The following TIMP2 variants were observed in gnomAD, a reference collection of about 807,000 sequenced individuals.
TIMP2 encodes metalloproteinase inhibitor 2.
TIMP2 carries 5 observed loss-of-function variants against 24.3 expected under a neutral mutation model. The ratio of observed to expected loss-of-function variants is 0.21; its 90% CI spans 0.11 to 0.43. The LOEUF is 0.43. TIMP2 is among the 20% of genes least tolerant of loss of function. TIMP2 has a pLI of 1.00. For synonymous variants in TIMP2, 130 were observed against 123.2 expected (o/e 1.06, Z -0.37); for missense variants, 221 against 297.5 (o/e 0.74, Z 1.89).
chr17:78,865,549 G>A lies in TIMP2; in HGVS notation c.340+5349C>T, dbSNP rs1048619524. ...TGAGGCAGGAGAATCACTTGAACCC[G>A]GGAGGCAGAGGTTGTGGTGAGTTGA... On this transcript the variant is annotated intron_variant, in intron 3 of 4. Transcript: ENST00000262768. Among the ~76,000 whole-genome samples the A allele has an allele frequency of 4.6e-5, 7 of 151,914 alleles. No individual in the cohort carries two copies. In the East Asian group the frequency reaches 9.7e-4, roughly 21 times the overall value.
chr17:78,906,613 C>T (rs915252780), intron 1 of TIMP2, among the ~76,000 whole-genome samples: 4 of 151,896 alleles, frequency 2.6e-5, no homozygotes, highest in East Asian at 3.9e-4. Flanking sequence ...GACAGAGTCT[C>T]GCTCTGTTGC....
chr17:78,923,982 C>T (rs1372519008), intron 1 of TIMP2, among the ~76,000 whole-genome samples: 1 of 152,170 alleles, frequency 6.6e-6, no homozygotes, highest in Non-Finnish European at 1.5e-5. Flanking sequence ...CAGGGGGCTC[C>T]GAGACCACCT....
intron 1 of TIMP2, chr17:78,922,217 G>A (rs1045421443): frequency 9.9e-5 from 15 of 152,182 alleles, no homozygotes; most frequent in African/African-American, 3.4e-4. Flanking sequence ...AACCTGCATC[G>A]CTTCGAGGAG....
At chr17:78,859,320 C>G (rs2069550083) in intron 3 of TIMP2, among the ~76,000 whole-genome samples, 1 of 152,140 alleles carries the variant, frequency 6.6e-6, no homozygotes. Context: ...GCAGTGTGTT[C>G]CAGTGGCTGA....
chr17:78,882,230 C>T (rs1185655769), intron 1 of TIMP2, among the ~76,000 whole-genome samples: 1 of 152,216 alleles, frequency 6.6e-6, no homozygotes, highest in African/African-American at 2.4e-5. Flanking sequence ...TCTTGGCCTC[C>T]CAGAGTGCTG....
rs746869895 is a variant in TIMP2, at chr17:78,855,628, CT to C, written c.*38del. ...CTGGACCAGTCGAAACCCTTGGAGG[CT>C]TTTTTTGCAGTTGGCCACAGGGGCG... On this transcript the variant is annotated 3_prime_UTR_variant, in exon 5 of 5. Coordinates refer to ENST00000262768, the MANE Select transcript of TIMP2 (RefSeq NM_003255.5). The surrounding 1 kb of genome is among the most constrained non-coding windows in gnomAD (Gnocchi z 6.0). 4 of 1,607,232 alleles carry C rather than the reference CT, an allele frequency of 2.5e-6. No individual in the cohort carries two copies.
intron 1 of TIMP2, chr17:78,903,436 G>A (rs952931660): frequency 2.6e-5 from 4 of 152,322 alleles, no homozygotes; most frequent in African/African-American, 9.6e-5. Context: ...ACCAGGCAGA[G>A]GACATCTTTT....
At chr17:78,911,893 C>CA (rs566238336) in intron 1 of TIMP2, among the ~76,000 whole-genome samples, 11,797 of 108,080 alleles carry the variant, frequency 0.11, 547 homozygotes, top group Middle Eastern at 0.18. Flanking sequence ...TAAAAACACA[C>CA]CAAAAAAAAA....
chr17:78,916,703 G>A (rs534286897), intron 1 of TIMP2, among the ~76,000 whole-genome samples: 2 of 152,204 alleles, frequency 1.3e-5, no homozygotes, highest in Admixed American at 6.5e-5. Flanking sequence ...CTCTCCCCCA[G>A]TGCAGGGGCC....
intron 3 of TIMP2, among the ~76,000 whole-genome samples, chr17:78,868,914 G>C (rs1319475481): frequency 6.6e-6 from 1 of 152,176 alleles, no homozygotes; most frequent in East Asian, 1.9e-4. Flanking sequence ...CCCGCGACTG[G>C]AGCGGGTGCT....
intron 1 of TIMP2, among the ~76,000 whole-genome samples, chr17:78,888,315 C>G (rs910372810): frequency 6.6e-6 from 1 of 151,860 alleles, no homozygotes; most frequent in Admixed American, 6.6e-5. Context: ...GCCACCACCA[C>G]GCCCGGCTAA....
chr17:78,908,357 G>A (rs1268706829), intron 1 of TIMP2, among the ~76,000 whole-genome samples: 2 of 152,150 alleles, frequency 1.3e-5, no homozygotes, highest in East Asian at 1.9e-4. Flanking sequence ...TGATCAAAGG[G>A]AAGACTTATT....
chr17:78,911,407 T>C (rs1250019232), intron 1 of TIMP2, among the ~76,000 whole-genome samples: 1 of 151,658 alleles, frequency 6.6e-6, no homozygotes, highest in East Asian at 1.9e-4. Context: ...ATTGAGCCCC[T>C]CCAGTGCTTT....
intron 1 of TIMP2, among the ~76,000 whole-genome samples, chr17:78,883,120 A>AC (rs1389036862): frequency 1.3e-5 from 2 of 152,066 alleles, no homozygotes; most frequent in African/African-American, 4.8e-5. Flanking sequence ...GGCCAGACCC[A>AC]CCCTCAGGTC....
chr17:78,891,924 G>GC lies in TIMP2; in HGVS notation c.131-18006dup, dbSNP rs1276706296. 6.4e-7 allele frequency: 1 copy of GC among 1,550,560 alleles called. No homozygotes were observed. Among genetic ancestry groups the GC allele is most frequent in the Non-Finnish European group, 8.7e-7 (1 of 1,146,988 alleles). Reference sequence around the variant, plus strand: ...TCTGGACTCGCTGCTGTCTTCCGGGGCCTGGAGTGCCTGGGGTGTTGCTGG... The same window carrying GC: ...TCTGGACTCGCTGCTGTCTTCCGGGGCCCTGGAGTGCCTGGGGTGTTGCTGG... On this transcript the variant is annotated intron_variant, in intron 1 of 4. Transcript: ENST00000262768. This position sits in a 1 kb window ranked among gnomAD's most constrained non-coding sequence, Gnocchi z 4.5.
At chr17:78,892,291 G>C (rs768482819) in intron 1 of TIMP2, 4 of 1,550,590 alleles carry the variant, frequency 2.6e-6, no homozygotes, top group Non-Finnish European at 3.5e-6. Context: ...GCAGGTCTTC[G>C]TTATCAGGAC....
chr17:78,905,853 C>T (rs1157750354), intron 1 of TIMP2, among the ~76,000 whole-genome samples: 1 of 152,224 alleles, frequency 6.6e-6, no homozygotes, highest in East Asian at 1.9e-4. Flanking sequence ...TTAGCAAATG[C>T]TAGCTTTTAA....
intron 1 of TIMP2, among the ~76,000 whole-genome samples, chr17:78,913,616 TAGG>T (rs2070227935): frequency 6.6e-6 from 1 of 151,682 alleles, no homozygotes; most frequent in Non-Finnish European, 1.5e-5. Flanking sequence ...GAAGCTGAGG[TAGG>T]AGGACTGCTT....
At chr17:78,912,679 G>A (rs73397242) in intron 1 of TIMP2, among the ~76,000 whole-genome samples, 2,495 of 152,310 alleles carry the variant, frequency 0.016, 69 homozygotes, top group African/African-American at 0.056. Context: ...CAGGCAATCC[G>A]GGGAGAGAGG....
Sources: allele counts gnomAD v4.1 joint callset (sites outside exome capture counted in the v4.1 genomes callset), GRCh38; gene constraint gnomAD v4.1.1; non-coding constraint Gnocchi (gnomAD v3.1); transcripts MANE v1.5; gene names NCBI Gene and HGNC (gene_info 2026-07-23, HGNC 2026-07-21).